Variants in RGS7 observed in about 807,000 individuals in gnomAD.
The protein encoded by RGS7 is regulator of G protein signaling 7, also known as regulator of G-protein signaling 7.
In RGS7, 27 loss-of-function variants were observed where a neutral mutation model predicts 81.1. That is an observed-to-expected ratio of 0.33 (90% CI 0.25 to 0.46). The LOEUF (loss-of-function observed/expected upper bound fraction) is 0.46, where lower values mean the gene tolerates loss of function less well. RGS7 is among the 20% of genes least tolerant of loss of function. The pLI is 1.00. For synonymous variants in RGS7, 208 were observed against 207.7 expected (o/e 1.00, Z -0.01); for missense variants, 396 against 607.4 (o/e 0.65, Z 3.66).
intron 6 of RGS7, chr1:240,919,597 C>CA (rs1420971984): frequency 4.1e-6 from 1 of 242,998 alleles, no homozygotes; most frequent in Admixed American, 5.2e-5. Context: ...AAAATGCCTA[C>CA]AAAAAACCTA....
chr1:240,851,564 T>G (rs1276581719), intron 9 of RGS7, among the ~76,000 whole-genome samples: 1 of 152,184 alleles, frequency 6.6e-6, no homozygotes, highest in African/African-American at 2.4e-5. Flanking sequence ...ACTTAAGAAA[T>G]GCATTTGTAA....
intron 2 of RGS7, among the ~76,000 whole-genome samples, chr1:241,103,244 T>C (rs917733929): frequency 3.3e-5 from 5 of 152,188 alleles, no homozygotes; most frequent in Non-Finnish European, 7.3e-5. Context: ...CACACATATA[T>C]GCACATGCAT....
intron 3 of RGS7, among the ~76,000 whole-genome samples, chr1:241,020,909 T>C (rs2059503758): frequency 6.6e-6 from 1 of 152,210 alleles, no homozygotes; most frequent in African/African-American, 2.4e-5. Flanking sequence ...AAAAGCAATT[T>C]GGGATCATTC....
At chr1:241,024,661 G>A (rs1313105746) in intron 3 of RGS7, among the ~76,000 whole-genome samples, 1 of 152,172 alleles carries the variant, frequency 6.6e-6, no homozygotes, top group African/African-American at 2.4e-5. Context: ...TTATGGAGCA[G>A]AAAGTCAAGG....
intron 2 of RGS7, among the ~76,000 whole-genome samples, chr1:241,216,333 GT>G (rs1454163717): frequency 6.6e-6 from 1 of 151,690 alleles, no homozygotes; most frequent in Non-Finnish European, 1.5e-5. Context: ...ATAAAAAGAG[GT>G]AAAACATGGC....
intron 9 of RGS7, among the ~76,000 whole-genome samples, chr1:240,848,949 A>G (rs1045044623): frequency 5.3e-5 from 8 of 152,214 alleles, no homozygotes; most frequent in African/African-American, 1.9e-4. Context: ...ATAAAACACT[A>G]AAATCCAAAC....
chr1:241,100,147 G>A (rs934271001), intron 2 of RGS7, among the ~76,000 whole-genome samples: 17 of 150,764 alleles, frequency 1.1e-4, no homozygotes, highest in Non-Finnish European at 1.6e-4. Flanking sequence ...AGGCCGAGGC[G>A]GGCGGATCAT....
At chr1:241,218,795 C>G (rs978567945) in intron 2 of RGS7, among the ~76,000 whole-genome samples, 3 of 152,120 alleles carry the variant, frequency 2.0e-5, no homozygotes, top group East Asian at 3.9e-4. Context: ...CAGGCACACA[C>G]CACCACACCT....
intron 2 of RGS7, among the ~76,000 whole-genome samples, chr1:241,230,549 T>C (rs113337700): frequency 1.3e-5 from 2 of 152,352 alleles, no homozygotes; most frequent in African/African-American, 4.8e-5. Flanking sequence ...TAACAGTTGC[T>C]GGGTATGCCA....
intron 2 of RGS7, among the ~76,000 whole-genome samples, chr1:241,280,221 G>A (rs1395143957): frequency 6.6e-6 from 1 of 152,132 alleles, no homozygotes; most frequent in Non-Finnish European, 1.5e-5. Flanking sequence ...CAGGGAAAAT[G>A]TCATATGAAA....
chr1:240,848,835 AATTG>A (rs1312250469), intron 9 of RGS7, among the ~76,000 whole-genome samples: 4 of 152,188 alleles, frequency 2.6e-5, no homozygotes, highest in African/African-American at 9.6e-5. Flanking sequence ...GGTGCTAGAC[AATTG>A]ATTCCAAAGA....
intron 2 of RGS7, among the ~76,000 whole-genome samples, chr1:241,225,785 G>A (rs780156341): frequency 2.0e-5 from 3 of 152,198 alleles, no homozygotes; most frequent in African/African-American, 7.2e-5. Flanking sequence ...GTTATCAACA[G>A]TGATAACAGT....
chr1:241,067,331 C>T (rs113029348), intron 3 of RGS7, among the ~76,000 whole-genome samples: 5,438 of 151,730 alleles, frequency 0.036, 288 homozygotes, highest in African/African-American at 0.11. Context: ...TGCTCCTAGC[C>T]TGACATTTAG....
At chr1:241,068,783 G>C (rs1011746949) in intron 3 of RGS7, among the ~76,000 whole-genome samples, 1 of 152,162 alleles carries the variant, frequency 6.6e-6, no homozygotes, top group South Asian at 2.1e-4. Flanking sequence ...TGTTGTCCCT[G>C]CCCAAATCTC....
intron 2 of RGS7, among the ~76,000 whole-genome samples, chr1:241,309,030 C>T (rs1163957677): frequency 6.6e-6 from 1 of 152,114 alleles, no homozygotes; most frequent in East Asian, 1.9e-4. Flanking sequence ...ATGGTATTTT[C>T]TTTGCATCTC....
At chr1:240,890,275 C>T (rs1332955198) in intron 6 of RGS7, among the ~76,000 whole-genome samples, 1 of 152,136 alleles carries the variant, frequency 6.6e-6, no homozygotes, top group Non-Finnish European at 1.5e-5. Context: ...GCCTCAGCCT[C>T]CTGAGTAGCT....
chr1:241,050,454 T>C (rs558671480), intron 3 of RGS7, among the ~76,000 whole-genome samples: 2 of 152,096 alleles, frequency 1.3e-5, no homozygotes, highest in South Asian at 2.1e-4. Flanking sequence ...CACTGAGGAG[T>C]CCAAGAATTC....
chr1:240,906,720 AG>A (rs1315379932), intron 6 of RGS7, among the ~76,000 whole-genome samples: 1 of 152,210 alleles, frequency 6.6e-6, no homozygotes, highest in Non-Finnish European at 1.5e-5. Flanking sequence ...AAGCAACAGC[AG>A]GGCACTGGGC....
intron 2 of RGS7, among the ~76,000 whole-genome samples, chr1:241,130,492 AG>A (rs2067000187): frequency 2.0e-5 from 3 of 152,110 alleles, no homozygotes; most frequent in Admixed American, 2.0e-4. Context: ...GCAACATTTG[AG>A]GAAGTAAATA....
Sources: allele counts gnomAD v4.1 joint callset (sites outside exome capture counted in the v4.1 genomes callset), GRCh38; gene constraint gnomAD v4.1.1; transcripts MANE v1.5; gene names NCBI Gene and HGNC (gene_info 2026-07-23, HGNC 2026-07-21).